The following SLC9A3 variants were observed in gnomAD, a reference collection of about 807,000 sequenced individuals.
SLC9A3 encodes sodium/hydrogen exchanger 3.
In SLC9A3, 37 loss-of-function variants were observed where a neutral mutation model predicts 86.8. That is an observed-to-expected ratio of 0.43 (90% confidence interval 0.33 to 0.56). The LOEUF (loss-of-function observed/expected upper bound fraction) is 0.56. Ranked by LOEUF, SLC9A3 falls within the 20% of genes least tolerant of loss-of-function variation. The pLI is 0.06. For synonymous variants in SLC9A3, 581 were observed against 528.3 expected (o/e 1.10, Z -1.37); for missense variants, 1,011 against 1,171.9 (o/e 0.86, Z 2.00).
rs1937720144 is a variant in SLC9A3 at position 471,429 on chromosome 5, AG to A, written c.*1949del. 1 of 324,178 alleles carries A rather than the reference AG, an allele frequency of 3.1e-6. No individual in the cohort carries two copies. The highest frequency in any genetic ancestry group is 2.5e-5 in the South Asian group (1 of 39,562). The allele number at this position is 324,178 out of a possible 1,614,324, so 20.1% of individuals were successfully genotyped here. ...CTGCTCTGTTCTCCCAGGCACAGACAGGCACTTGGAAGGCAGCTTTGCTCCT... is the reference window on the plus strand; with the variant it reads ...CTGCTCTGTTCTCCCAGGCACAGACAGCACTTGGAAGGCAGCTTTGCTCCT... On this transcript the variant is annotated 3_prime_UTR_variant, in exon 17 of 17. Transcript: ENST00000264938.
chr5:481,459 C>T, intron 9 of SLC9A3, 106 bp downstream of exon 9: 1 of 994,002 alleles, frequency 1.0e-6, no homozygotes, highest in East Asian at 2.4e-5. Flanking sequence ...CTGACCAAGC[C>T]TGGACTCAAA....
At chr5:477,523 CG>C in intron 10 of SLC9A3, 79 bp from the exon 11 acceptor site, 1 of 1,026,060 alleles carries the variant, frequency 9.7e-7, no homozygotes, top group African/African-American at 1.6e-5. Flanking sequence ...TGGGGGGAAG[CG>C]CCCAGAGCTC....
Position 481,549 on chromosome 5 carries a change from C to T in SLC9A3, c.1517+16G>A, listed in dbSNP as rs979184243. Reference sequence around the variant, plus strand: ...CCGGGCTGTGCGACACCGCCGGGGCCGTCCCAGCCACTTACTTGTCTCTGA... The same window carrying T: ...CCGGGCTGTGCGACACCGCCGGGGCTGTCCCAGCCACTTACTTGTCTCTGA... On this transcript the variant is annotated intron_variant, in intron 9 of 16. Coordinates refer to ENST00000264938, the MANE Select transcript of SLC9A3 (RefSeq NM_004174.4). 13 of 1,607,012 alleles carry T rather than the reference C, an allele frequency of 8.1e-6. No individual in the cohort carries two copies. The highest frequency in any genetic ancestry group is 1.7e-4 in the Middle Eastern group (1 of 6,048).
At chr5:503,292 T>C (rs1405317232) in intron 1 of SLC9A3, among the ~76,000 whole-genome samples, 2 of 152,140 alleles carry the variant, frequency 1.3e-5, no homozygotes, top group Admixed American at 1.3e-4. Context: ...CCGCAGCACT[T>C]TGGGAGGCCA....
chr5:476,382 C>T lies in SLC9A3; in HGVS notation c.1891-4G>A, dbSNP rs780331789. On this transcript the variant is annotated splice_region_variant and splice_polypyrimidine_tract_variant and intron_variant, in intron 12 of 16. Coordinates refer to ENST00000264938, the MANE Select transcript of SLC9A3 (RefSeq NM_004174.4). ...GTCGGCTGTACAGATGCTTGTACTG[C>T]GGGATCAGGCACGGAGGTCACAGCT... The T allele has an allele frequency of 6.2e-6, 10 of 1,613,370 alleles. No individual in the cohort carries two copies. Among genetic ancestry groups the T allele is most frequent in the African/African-American group, 1.3e-5 (1 of 74,930 alleles).
intron 11 of SLC9A3, 108 bp downstream of exon 11, chr5:477,224 C>G (rs1186888195): frequency 2.7e-6 from 2 of 738,734 alleles, no homozygotes. Flanking sequence ...CACCTCTCCC[C>G]TCTTCCATGC....
chr5:501,033 G>A (rs1443443178), intron 1 of SLC9A3, among the ~76,000 whole-genome samples: 1 of 152,216 alleles, frequency 6.6e-6, no homozygotes, highest in Non-Finnish European at 1.5e-5. Flanking sequence ...ACTGATTGCC[G>A]AGGCTGGAGA....
At chr5:522,204 C>T (rs574861905) in intron 1 of SLC9A3, among the ~76,000 whole-genome samples, 7 of 152,322 alleles carry the variant, frequency 4.6e-5, no homozygotes, top group South Asian at 2.1e-4. Flanking sequence ...CGCCCTGCCC[C>T]GGGGAGTTGC....
In SLC9A3 at chr5:507,183, T is replaced by TTTTTTTTTTTTTTTTTTTG. The variant is rs1320617129; in HGVS notation, c.212-15113_212-15112insCAAAAAAAAAAAAAAAAAA. On this transcript the variant is annotated intron_variant, in intron 1 of 16. Transcript: ENST00000264938. ...TGCTGCTTCTTTTTTTTTTTTTTTT[T>TTTTTTTTTTTTTTTTTTTG]TTTGAGACGGAGTCTGGCTCTGTTG... 1.5e-4 allele frequency among the ~76,000 whole-genome samples: 13 copies of TTTTTTTTTTTTTTTTTTTG among 88,972 alleles called. 1 individual carries two copies. The highest frequency in any genetic ancestry group is 7.0e-4 in the African/African-American group (13 of 18,442). 58.4% of individuals were successfully genotyped at this position (88,972 alleles called of 152,430 possible).
intron 1 of SLC9A3, among the ~76,000 whole-genome samples, chr5:493,660 G>C (rs528038375): frequency 1.3e-5 from 2 of 152,212 alleles, no homozygotes; most frequent in Admixed American, 6.5e-5. Flanking sequence ...GCGGTCTCCC[G>C]ACCCTGTCCC....
intron 1 of SLC9A3, among the ~76,000 whole-genome samples, chr5:523,597 G>A (rs1733947267): frequency 1.4e-5 from 2 of 148,062 alleles, no homozygotes; most frequent in Admixed American, 1.3e-4. Flanking sequence ...GACCGACCGG[G>A]ATTTTCTAAA....
At chr5:516,432 T>C (rs529456204) in intron 1 of SLC9A3, among the ~76,000 whole-genome samples, 1 of 152,262 alleles carries the variant, frequency 6.6e-6, no homozygotes, top group South Asian at 2.1e-4. Context: ...GTTGGTATGC[T>C]AAGGGTATTG....
At chr5:485,808 G>A (rs1342626943) in intron 3 of SLC9A3, among the ~76,000 whole-genome samples, 1 of 152,240 alleles carries the variant, frequency 6.6e-6, no homozygotes, top group African/African-American at 2.4e-5. Context: ...AGGTGGGAGA[G>A]GACCCTGGGG....
intron 1 of SLC9A3, among the ~76,000 whole-genome samples, chr5:502,095 T>C (rs946677803): frequency 2.6e-5 from 4 of 152,198 alleles, no homozygotes; most frequent in African/African-American, 9.7e-5. Context: ...ACCTGGTCGG[T>C]TTTTAAATTG....
intron 5 of SLC9A3, 78 bp from the exon 6 acceptor site, chr5:483,560 G>A (rs56082422): frequency 0.13 from 132,988 of 1,032,304 alleles, 10,432 homozygotes; most frequent in Admixed American, 0.15. Context: ...AGCCCCCCAC[G>A]GCCTGGCGCC....
At chr5:477,468 C>T (rs199628474) in intron 10 of SLC9A3, 24 bp from the exon 11 acceptor site, 3 of 1,571,136 alleles carry the variant, frequency 1.9e-6, no homozygotes, top group East Asian at 4.5e-5. Context: ...GCAGCCCGGT[C>T]AGTGGCCTGA....
Position 473,132 on chromosome 5 carries a change from C to A in SLC9A3, c.*247G>T, listed in dbSNP as rs995189173. On this transcript the variant is annotated 3_prime_UTR_variant, in exon 17 of 17. Coordinates refer to ENST00000264938, the MANE Select transcript of SLC9A3 (RefSeq NM_004174.4). ...CCGAACGCGCGTGCGCACTCGGCAG[C>A]CCTCGGCGCTCCGGCCCCGCCCCCG... The A allele has an allele frequency of 2.8e-5, 7 of 247,016 alleles. No individual in the cohort carries two copies. The highest frequency in any genetic ancestry group is 1.2e-4 in the Admixed American group (2 of 17,158). The allele number at this position is 247,016 out of a possible 1,614,324, so 15.3% of individuals were successfully genotyped here. A position where few individuals can be genotyped will look rare whatever the true frequency, so the allele number is the denominator to read the frequency against.
intron 1 of SLC9A3, among the ~76,000 whole-genome samples, chr5:515,581 C>T (rs370084965): frequency 2.6e-5 from 4 of 152,100 alleles, no homozygotes; most frequent in Non-Finnish European, 2.9e-5. Context: ...GGTCATCACA[C>T]GGCCAGAGTG....
chr5:477,513 T>C (rs1738827932), intron 10 of SLC9A3, 69 bp from the exon 11 acceptor site: 7 of 1,201,798 alleles, frequency 5.8e-6, no homozygotes, highest in Middle Eastern at 4.8e-4. Context: ...TTGTGTGCCC[T>C]GGGGGGAAGC....
Sources: allele counts gnomAD v4.1 joint callset (sites outside exome capture counted in the v4.1 genomes callset), GRCh38; gene constraint gnomAD v4.1.1; transcripts MANE v1.5; gene names NCBI Gene and HGNC (gene_info 2026-07-23, HGNC 2026-07-21).